CRB1: variants seen among roughly 807,000 people sequenced by gnomAD.
The protein encoded by CRB1 is crumbs cell polarity complex component 1.
Under a neutral mutation model 120.0 loss-of-function variants are expected in CRB1, and 83 were observed. The observed-to-expected ratio is 0.69, with a 90% CI of 0.58 to 0.83. The LOEUF is 0.83. CRB1 is among the 40% of genes least tolerant of loss of function. CRB1 has a pLI of 0.00. For synonymous variants in CRB1, 625 were observed against 612.5 expected (o/e 1.02, Z -0.30); for missense variants, 1,699 against 1,687.6 (o/e 1.01, Z -0.12).
chr1:197,233,504 C>G, the CRB1 span, among the ~76,000 whole-genome samples: 2 of 152,198 alleles, frequency 1.3e-5, no homozygotes, highest in African/African-American at 4.8e-5. Flanking sequence ...CCAGAAGACC[C>G]TCACCTTCAG....
intron 5 of CRB1, among the ~76,000 whole-genome samples, chr1:197,404,378 C>G (rs1571483664): frequency 4.3e-5 from 6 of 138,462 alleles, no homozygotes; most frequent in African/African-American, 2.8e-5. Context: ...GGAGGCGGAG[C>G]TTGCAGTGAG....
At chr1:197,221,616 C>T in the CRB1 span, among the ~76,000 whole-genome samples, 1 of 152,132 alleles carries the variant, frequency 6.6e-6, no homozygotes, top group Non-Finnish European at 1.5e-5. Context: ...ACATTTCTCA[C>T]TGATTAGTAG....
At chr1:197,216,260 C>G in the CRB1 span, among the ~76,000 whole-genome samples, 12 of 152,256 alleles carry the variant, frequency 7.9e-5, no homozygotes, top group East Asian at 1.9e-3. Context: ...TTTGTTTGCT[C>G]TCAGAACACT....
At chr1:197,353,083 C>T (rs1173594385) in intron 4 of CRB1, among the ~76,000 whole-genome samples, 1 of 151,976 alleles carries the variant, frequency 6.6e-6, no homozygotes, top group African/African-American at 2.4e-5. Context: ...AAACCATATA[C>T]ACAAATCAAT....
rs543569194 is a variant in CRB1 at position 197,315,649 on chromosome 1, A to G, written c.71-12773A>G. On this transcript the variant is annotated intron_variant, in intron 1 of 11. Coordinates refer to ENST00000367400, the MANE Select transcript of CRB1 (RefSeq NM_201253.3). ...CAAAGACAACCAGCTGAAGCAAAGTAGTGTTTGCATCAACTTCCACATATT... is the reference window on the plus strand; with the variant it reads ...CAAAGACAACCAGCTGAAGCAAAGTGGTGTTTGCATCAACTTCCACATATT... Among the ~76,000 whole-genome samples the G allele has an allele frequency of 3.3e-5, 5 of 152,374 alleles. No individual in the cohort carries two copies. In the East Asian group the frequency reaches 9.6e-4, roughly 29 times the overall value.
intron 5 of CRB1, among the ~76,000 whole-genome samples, chr1:197,405,073 T>G (rs1354946701): frequency 1.3e-5 from 2 of 150,592 alleles, no homozygotes; most frequent in Non-Finnish European, 3.0e-5. Context: ...TCCCTCTCCC[T>G]CTCCCCACGG....
At chr1:197,325,717 A>G (rs1472765448) in intron 1 of CRB1, among the ~76,000 whole-genome samples, 1 of 152,192 alleles carries the variant, frequency 6.6e-6, no homozygotes, top group Non-Finnish European at 1.5e-5. Flanking sequence ...TTTGAGGAAA[A>G]AAAACACCAG....
At chr1:197,254,340 A>G in the CRB1 span, among the ~76,000 whole-genome samples, 1 of 152,066 alleles carries the variant, frequency 6.6e-6, no homozygotes, top group Non-Finnish European at 1.5e-5. Context: ...TTATAGCAAG[A>G]TACAAGAAAA....
chr1:197,400,717 T>G lies in CRB1; in HGVS notation c.1172-20283T>G, dbSNP rs561654942. On this transcript the variant is annotated intron_variant, in intron 5 of 11. Coordinates refer to ENST00000367400, the MANE Select transcript of CRB1 (RefSeq NM_201253.3). ...CCAGCCCTGATTTAAGGTTTCTCACTCAGATACTATCCAGCCCTGATTTAA... is the reference window on the plus strand; with the variant it reads ...CCAGCCCTGATTTAAGGTTTCTCACGCAGATACTATCCAGCCCTGATTTAA... Among the ~76,000 whole-genome samples, 10 of 152,260 alleles carry G rather than the reference T, an allele frequency of 6.6e-5. No homozygotes were observed. In the South Asian group the frequency reaches 2.1e-3, roughly 32 times the overall value.
chr1:197,410,223 T>A (rs1392748847), intron 5 of CRB1, among the ~76,000 whole-genome samples: 1 of 152,248 alleles, frequency 6.6e-6, no homozygotes, highest in Non-Finnish European at 1.5e-5. Flanking sequence ...AAATATTTGA[T>A]AATCAAGCTT....
At chr1:197,375,679 T>C (rs1357385917) in intron 5 of CRB1, among the ~76,000 whole-genome samples, 2 of 152,202 alleles carry the variant, frequency 1.3e-5, no homozygotes, top group Non-Finnish European at 2.9e-5. Flanking sequence ...TGAAGTTTAC[T>C]TATGCATGGC....
chr1:197,356,936 G>C lies in CRB1; in HGVS notation c.1094G>C (p.Arg365Pro), dbSNP rs777528044. 29 of 1,614,016 alleles carry C rather than the reference G, an allele frequency of 1.8e-5. No homozygotes were observed. Among genetic ancestry groups the C allele is most frequent in the Non-Finnish European group, 2.4e-5 (28 of 1,179,988 alleles). The change falls in exon 5 of 12, where the codon CGC (arginine) becomes CCC (proline). Residue 365 changes from arginine (R) to proline (P), a missense_variant. Coordinates refer to ENST00000367400, the MANE Select transcript of CRB1 (RefSeq NM_201253.3). ...VELSSEKQYG[R>P]ITGLPSSFSY... ...CTGTCCTCAGAGAAACAATATGGACGCATCACTGGACTGCCTTCTTCTTTC... is the reference window on the plus strand; with the variant it reads ...CTGTCCTCAGAGAAACAATATGGACCCATCACTGGACTGCCTTCTTCTTTC...
At chr1:197,309,324 A>G (rs959352631) in intron 1 of CRB1, among the ~76,000 whole-genome samples, 2 of 152,090 alleles carry the variant, frequency 1.3e-5, no homozygotes, top group Non-Finnish European at 2.9e-5. Context: ...ACACACACAC[A>G]CACATACACA....
the CRB1 span, among the ~76,000 whole-genome samples, chr1:197,225,679 G>A: frequency 4.6e-5 from 7 of 152,210 alleles, no homozygotes; most frequent in African/African-American, 1.7e-4. Context: ...TGCAATGTGG[G>A]CATGAAAACA....
At chr1:197,256,932 C>CATGTGTGT in the CRB1 span, among the ~76,000 whole-genome samples, 15 of 141,496 alleles carry the variant, frequency 1.1e-4, no homozygotes, top group South Asian at 3.5e-3. Flanking sequence ...ATAGGATTTG[C>CATGTGTGT]GTGTGTGTGT....
chr1:197,376,154 C>T (rs183702736), intron 5 of CRB1, among the ~76,000 whole-genome samples: 23 of 152,160 alleles, frequency 1.5e-4, no homozygotes, highest in Admixed American at 1.3e-3. Context: ...ATGCTGGAGT[C>T]CCCTAGGATT....
chr1:197,282,234 AAAG>A (rs1310368209), intron 1 of CRB1, among the ~76,000 whole-genome samples: 13 of 151,762 alleles, frequency 8.6e-5, no homozygotes, highest in Admixed American at 8.5e-4. Flanking sequence ...AATAATAAAA[AAAG>A]AAGATAAAGA....
chr1:197,220,951 A>G, the CRB1 span, among the ~76,000 whole-genome samples: 1 of 152,106 alleles, frequency 6.6e-6, no homozygotes, highest in African/African-American at 2.4e-5. Context: ...TTTCTTCATA[A>G]ATTACCCAGT....
intron 8 of CRB1, among the ~76,000 whole-genome samples, chr1:197,431,767 T>G (rs1664879465): frequency 6.6e-6 from 1 of 152,176 alleles, no homozygotes; most frequent in African/African-American, 2.4e-5. Context: ...AAAGTCCCAG[T>G]AGCATTTTTT....
Sources: gnomAD v4.1 joint callset for allele counts (sites outside exome capture counted in the v4.1 genomes callset) on GRCh38, gnomAD v4.1.1 for gene constraint, MANE v1.5 for transcripts, NCBI Gene and HGNC (gene_info 2026-07-23, HGNC 2026-07-21) for gene names.